Variants in A1CF observed in about 807,000 individuals in gnomAD.
A1CF encodes the protein APOBEC-1 stimulating protein.
Under a neutral mutation model 68.9 loss-of-function variants are expected in A1CF, and 48 were observed. The ratio of observed to expected loss-of-function variants is 0.70; its 90% confidence interval spans 0.55 to 0.89. The LOEUF (loss-of-function observed/expected upper bound fraction) is 0.89, where lower values mean the gene tolerates loss of function less well. Ranked by LOEUF, A1CF falls within the 40% of genes least tolerant of loss-of-function variation. A1CF has a pLI of 0.00. For synonymous variants in A1CF, 272 were observed against 260.4 expected, an observed-to-expected ratio of 1.04 and a Z score of -0.43; for missense variants, 653 against 718.9, an observed-to-expected ratio of 0.91 and a Z score of 1.05.
At chr10:50,850,882 T>C in intron 3 of A1CF, 4 of 1,487,712 alleles carry the variant, frequency 2.7e-6, no homozygotes, top group Non-Finnish European at 3.6e-6. Context: ...AAAGAATGTG[T>C]AATTTATTCA....
intron 3 of A1CF, among the ~76,000 whole-genome samples, chr10:50,853,103 T>G (rs544977036): frequency 7.0e-4 from 106 of 152,242 alleles, no homozygotes; most frequent in Non-Finnish European, 1.3e-3. Flanking sequence ...GGGGTGGGAA[T>G]TGAATACTGT....
At chr10:50,807,362 C>T (rs1011831524) in intron 12 of A1CF, among the ~76,000 whole-genome samples, 1 of 152,112 alleles carries the variant, frequency 6.6e-6, no homozygotes, top group Non-Finnish European at 1.5e-5. Context: ...TTGCCTTTAC[C>T]CAAGAAGATG....
intron 1 of A1CF, among the ~76,000 whole-genome samples, chr10:50,871,524 T>C (rs915416734): frequency 6.6e-6 from 1 of 151,990 alleles, no homozygotes; most frequent in Non-Finnish European, 1.5e-5. Flanking sequence ...GCAGGAACAA[T>C]GTGCAATAAA....
intron 8 of A1CF, among the ~76,000 whole-genome samples, chr10:50,818,150 CTT>C (rs1441582621): frequency 3.3e-5 from 5 of 152,064 alleles, no homozygotes; most frequent in Non-Finnish European, 7.4e-5. Context: ...AAGTTCAAGA[CTT>C]TATTTTGTCC....
chr10:50,825,797 C>A (rs535784289), intron 7 of A1CF, among the ~76,000 whole-genome samples: 12 of 152,246 alleles, frequency 7.9e-5, no homozygotes, highest in African/African-American at 2.9e-4. Flanking sequence ...TCACTCAAAT[C>A]AGTTTCCTAG....
chr10:50,869,390 T>C lies in A1CF; in HGVS notation c.-93-5310A>G, dbSNP rs1200416267. Among the ~76,000 whole-genome samples the C allele has an allele frequency of 3.9e-5, 6 of 152,180 alleles. No individual in the cohort carries two copies. In the East Asian group the frequency reaches 1.2e-3, roughly 29 times the overall value. On this transcript the variant is annotated intron_variant, in intron 1 of 12. Transcript: ENST00000373997. ...ATCTTAGCCATGACCTGTGATTTTC[T>C]CATTGGTTATTCTCCTCCTGTTTCT...
intron 1 of A1CF, among the ~76,000 whole-genome samples, chr10:50,881,754 T>C (rs1841780789): frequency 6.6e-6 from 1 of 152,220 alleles, no homozygotes; most frequent in African/African-American, 2.4e-5. Flanking sequence ...TGTCATGTGT[T>C]AATTCTCTTT....
chr10:50,844,686 A>G (rs1839920991), intron 3 of A1CF, among the ~76,000 whole-genome samples: 1 of 152,186 alleles, frequency 6.6e-6, no homozygotes, highest in Non-Finnish European at 1.5e-5. Flanking sequence ...TTCATGCTAT[A>G]AAATGATACA....
At chr10:50,807,240 A>G (rs1444180884) in intron 12 of A1CF, among the ~76,000 whole-genome samples, 1 of 152,174 alleles carries the variant, frequency 6.6e-6, no homozygotes, top group Non-Finnish European at 1.5e-5. Flanking sequence ...AAATTTATAA[A>G]TGAGAAAAGG....
intron 6 of A1CF, among the ~76,000 whole-genome samples, chr10:50,831,730 A>G (rs1839254104): frequency 6.6e-6 from 1 of 152,250 alleles, no homozygotes; most frequent in African/African-American, 2.4e-5. Context: ...CTCCGTCTCA[A>G]AAATAAAAAA....
intron 1 of A1CF, among the ~76,000 whole-genome samples, chr10:50,867,213 C>T (rs1841033361): frequency 6.6e-6 from 1 of 151,980 alleles, no homozygotes; most frequent in South Asian, 2.1e-4. Context: ...AAAAACATAC[C>T]TGCACTCATA....
intron 1 of A1CF, among the ~76,000 whole-genome samples, chr10:50,880,670 C>T (rs186464285): frequency 1.3e-5 from 2 of 152,248 alleles, no homozygotes; most frequent in Non-Finnish European, 2.9e-5. Context: ...ATTTAAAGTA[C>T]ATTTTAGTTC....
chr10:50,864,247 T>C (rs1338214104), intron 1 of A1CF, among the ~76,000 whole-genome samples, 167 bp from the exon 2 acceptor site: 4 of 152,194 alleles, frequency 2.6e-5, no homozygotes, highest in African/African-American at 9.7e-5. Flanking sequence ...TGCAACATAT[T>C]GTTGTGAAGA....
chr10:50,846,009 CA>C (rs1839984598), intron 3 of A1CF, among the ~76,000 whole-genome samples: 1 of 150,794 alleles, frequency 6.6e-6, no homozygotes, highest in African/African-American at 2.4e-5. Flanking sequence ...CATTAAATAG[CA>C]AATTCTCTAC....
At chr10:50,815,182 T>C (rs1458669038) in intron 9 of A1CF, among the ~76,000 whole-genome samples, 2 of 152,184 alleles carry the variant, frequency 1.3e-5, no homozygotes, top group Non-Finnish European at 1.5e-5. Context: ...TGGGATTCAG[T>C]TGGCATTAGC....
In A1CF at chr10:50,836,241, G is replaced by A; in HGVS notation, c.437C>T (p.Thr146Ile). Reference sequence around the variant, plus strand: ...CGATAAGATTTCTTCTCTCTTTTTGGTTTTTGGGATGCCCCCAACAAATAA... The same window carrying A: ...CGATAAGATTTCTTCTCTCTTTTTGATTTTTGGGATGCCCCCAACAAATAA... Reference protein sequence around the residue: ...CRLFVGGIPKTKKREEILSEM... With the variant: ...CRLFVGGIPKIKKREEILSEM... Residue 146 changes from threonine (T) to isoleucine (I), a missense_variant, in exon 6 of 13, where the codon ACC (threonine) becomes ATC (isoleucine). Physicochemically the swap from Thr to Ile is moderately conservative, Grantham distance 89. Transcript: ENST00000373997. 3 of 1,613,888 alleles carry A rather than the reference G, an allele frequency of 1.9e-6. No homozygotes were observed. Among genetic ancestry groups the A allele is most frequent in the Non-Finnish European group, 2.5e-6 (3 of 1,179,872 alleles).
intron 1 of A1CF, among the ~76,000 whole-genome samples, chr10:50,875,796 G>T (rs1841486049): frequency 6.6e-6 from 1 of 152,160 alleles, no homozygotes; most frequent in Non-Finnish European, 1.5e-5. Flanking sequence ...TGGCATATCT[G>T]TTCTGCACAC....
rs1332112653 is a variant in A1CF, at chr10:50,859,854, A to G, written c.87T>C (p.Tyr29=). The stretch of plus-strand genomic sequence containing the variant: ...CACAAGTTCCTACCTGGACCAAGCT[A>G]TATCCTGTGCGCTGGACCAGTGCGC... ...ALRALVQRTG[Y]SLVQENGQRK... Residue 29 remains tyrosine, a synonymous_variant, in exon 3 of 13, where the codon TAT becomes TAC. Transcript: ENST00000373997. 5.0e-6 allele frequency: 8 copies of G among 1,613,748 alleles called. No homozygotes were observed. The highest frequency in any genetic ancestry group is 1.1e-5 in the South Asian group (1 of 91,072).
chr10:50,859,855 T>C lies in A1CF; in HGVS notation c.86A>G (p.Tyr29Cys), dbSNP rs1231310919. 1 of 1,613,910 alleles carries C rather than the reference T, an allele frequency of 6.2e-7. No individual in the cohort carries two copies. Among genetic ancestry groups the C allele is most frequent in the Non-Finnish European group, 8.5e-7 (1 of 1,179,876 alleles). Reference sequence around the variant, plus strand: ...ACAAGTTCCTACCTGGACCAAGCTATATCCTGTGCGCTGGACCAGTGCGCG... The same window carrying C: ...ACAAGTTCCTACCTGGACCAAGCTACATCCTGTGCGCTGGACCAGTGCGCG... ...ALRALVQRTG[Y>C]SLVQENGQRK... The change falls in exon 3 of 13, where the codon TAT (tyrosine) becomes TGT (cysteine). Residue 29 changes from tyrosine to cysteine, a missense_variant. Tyr to Cys is a radical substitution (Grantham distance 194, BLOSUM62 -2). Coordinates refer to ENST00000373997, the MANE Select transcript of A1CF (RefSeq NM_014576.4).
Sources: gnomAD v4.1 joint callset for allele counts (sites outside exome capture counted in the v4.1 genomes callset) on GRCh38, gnomAD v4.1.1 for gene constraint, MANE v1.5 for transcripts, NCBI Gene and HGNC (gene_info 2026-07-23, HGNC 2026-07-21) for gene names.